Variants in NEGR1 observed in about 807,000 individuals in gnomAD.
NEGR1 encodes IgLON family member 4.
In NEGR1, 10 loss-of-function variants were observed where a neutral mutation model predicts 40.9. The observed-to-expected ratio is 0.24, with a 90% CI of 0.15 to 0.42. NEGR1 has a LOEUF of 0.42. NEGR1 is among the 10% of genes least tolerant of loss of function. The pLI is 1.00. For missense variants in NEGR1, 352 were observed against 438.9 expected (o/e 0.80, Z 1.77); for synonymous variants, 185 against 166.8 (o/e 1.11, Z -0.84).
At chr1:71,910,114 C>T (rs1661384048) in intron 2 of NEGR1, among the ~76,000 whole-genome samples, 1 of 152,122 alleles carries the variant, frequency 6.6e-6, no homozygotes, top group Non-Finnish European at 1.5e-5. Flanking sequence ...CATTAAAAGT[C>T]AGCCAAGTAA....
At chr1:72,147,798 A>AG (rs1220917450) in intron 1 of NEGR1, among the ~76,000 whole-genome samples, 2 of 152,170 alleles carry the variant, frequency 1.3e-5, no homozygotes, top group Admixed American at 1.3e-4. Flanking sequence ...AATGGGTTAC[A>AG]GGGCCCACAC....
chr1:72,236,873 C>T (rs1308322370), intron 1 of NEGR1, among the ~76,000 whole-genome samples: 1 of 151,868 alleles, frequency 6.6e-6, no homozygotes, highest in Admixed American at 6.6e-5. Flanking sequence ...AGTCAAGTGA[C>T]TGTGTGTGCT....
At chr1:71,720,167 G>C (rs563339819) in intron 3 of NEGR1, among the ~76,000 whole-genome samples, 2 of 152,128 alleles carry the variant, frequency 1.3e-5, no homozygotes, top group Non-Finnish European at 2.9e-5. Context: ...AACAAATAAA[G>C]TAAGCGTTAT....
At chr1:71,480,248 T>C (rs1646845547) in intron 6 of NEGR1, among the ~76,000 whole-genome samples, 1 of 151,954 alleles carries the variant, frequency 6.6e-6, no homozygotes, top group South Asian at 2.1e-4. Flanking sequence ...CCTGTGAATC[T>C]GGCAATATTA....
At chr1:71,663,625 C>T (rs573071281) in intron 4 of NEGR1, among the ~76,000 whole-genome samples, 26 of 152,208 alleles carry the variant, frequency 1.7e-4, no homozygotes, top group Admixed American at 3.9e-4. Flanking sequence ...TTTAATTTAT[C>T]CCATGCCATC....
rs1244863559 is a variant in NEGR1 at position 71,806,888 on chromosome 1, G to GTTTTTTTTTTTTTTTTTTTTTTTTTTTT, written c.410-30592_410-30591insAAAAAAAAAAAAAAAAAAAAAAAAAAAA. Among the ~76,000 whole-genome samples the GTTTTTTTTTTTTTTTTTTTTTTTTTTTT allele has an allele frequency of 1.7e-5, 2 of 120,552 alleles. 1 individual carries two copies. The allele number at this position is 120,552 out of a possible 152,430, so 79.1% of individuals were successfully genotyped here. On this transcript the variant is annotated intron_variant, in intron 2 of 6. Coordinates refer to ENST00000357731, the MANE Select transcript of NEGR1 (RefSeq NM_173808.3). ...AAGTACTGCGCAAACATGTCGATCT[G>GTTTTTTTTTTTTTTTTTTTTTTTTTTTT]TTTTTTTTTGTTTTTTTTTTTTGAG...
chr1:71,735,363 A>T (rs1008380603), intron 3 of NEGR1, among the ~76,000 whole-genome samples: 2 of 152,120 alleles, frequency 1.3e-5, no homozygotes, highest in Non-Finnish European at 2.9e-5. Flanking sequence ...CACTAACTGT[A>T]AGCTGTTGAG....
intron 1 of NEGR1, among the ~76,000 whole-genome samples, chr1:72,170,302 G>T (rs1570073673): frequency 1.3e-5 from 2 of 151,854 alleles, no homozygotes; most frequent in South Asian, 4.2e-4. Flanking sequence ...TTGAAGTTTT[G>T]CCAACTCATT....
chr1:72,006,222 T>G (rs1646605298), intron 1 of NEGR1, among the ~76,000 whole-genome samples: 2 of 152,212 alleles, frequency 1.3e-5, no homozygotes. Flanking sequence ...CTTCTGTGTG[T>G]CCACTTACAT....
At chr1:71,954,397 T>C (rs1465730483) in intron 1 of NEGR1, among the ~76,000 whole-genome samples, 2 of 151,706 alleles carry the variant, frequency 1.3e-5, no homozygotes, top group South Asian at 4.1e-4. Flanking sequence ...GGTATATTAT[T>C]AAAAAAAAGT....
Position 71,421,445 on chromosome 1 carries a change from G to A in NEGR1, c.941-13875C>T, listed in dbSNP as rs924646653. ...ACTTGAAAAATGGAAAAAGGATTAAGAGAACCTTATATTCCTGAATAGCAA... is the reference window on the plus strand; with the variant it reads ...ACTTGAAAAATGGAAAAAGGATTAAAAGAACCTTATATTCCTGAATAGCAA... On this transcript the variant is annotated intron_variant, in intron 6 of 6. Transcript: ENST00000357731. The A allele has an allele frequency of 1.8e-4, 28 of 152,212 alleles. No homozygotes were observed. In the East Asian group the frequency reaches 3.7e-3, roughly 20 times the overall value. 9.4% of individuals were successfully genotyped at this position (152,212 alleles called of 1,614,324 possible). A position where few individuals can be genotyped will look rare whatever the true frequency, so the allele number is the denominator to read the frequency against.
At chr1:72,096,700 C>T (rs1040449521) in intron 1 of NEGR1, among the ~76,000 whole-genome samples, 4 of 151,758 alleles carry the variant, frequency 2.6e-5, no homozygotes, top group African/African-American at 4.8e-5. Flanking sequence ...CTCACACTGT[C>T]GTCCAGGCTG....
intron 2 of NEGR1, among the ~76,000 whole-genome samples, chr1:71,804,283 C>A (rs565688807): frequency 6.6e-6 from 1 of 152,304 alleles, no homozygotes; most frequent in South Asian, 2.1e-4. Flanking sequence ...AGCTTCCCAA[C>A]TAATGTGAAT....
intron 1 of NEGR1, among the ~76,000 whole-genome samples, chr1:72,029,024 A>G (rs184574050): frequency 1.3e-5 from 2 of 152,352 alleles, no homozygotes; most frequent in East Asian, 1.9e-4. Flanking sequence ...TAAAGGAAAA[A>G]GCATAATGGG....
chr1:71,973,306 A>G (rs947250443), intron 1 of NEGR1, among the ~76,000 whole-genome samples: 1 of 142,242 alleles, frequency 7.0e-6, no homozygotes, highest in South Asian at 2.2e-4. Flanking sequence ...ACAGAGCGAG[A>G]CTCCAACTCA....
At chr1:72,010,075 C>T (rs1646643030) in intron 1 of NEGR1, among the ~76,000 whole-genome samples, 1 of 152,074 alleles carries the variant, frequency 6.6e-6, no homozygotes, top group African/African-American at 2.4e-5. Flanking sequence ...AAACTAAGTC[C>T]CCTCTGCCAC....
chr1:71,941,614 T>C (rs1323865025), intron 1 of NEGR1, among the ~76,000 whole-genome samples: 1 of 152,138 alleles, frequency 6.6e-6, no homozygotes, highest in African/African-American at 2.4e-5. Context: ...TCCAGTGAAC[T>C]TCAATTATTT....
At chr1:72,101,318 T>A (rs1648928704) in intron 1 of NEGR1, among the ~76,000 whole-genome samples, 1 of 152,056 alleles carries the variant, frequency 6.6e-6, no homozygotes, top group Non-Finnish European at 1.5e-5. Context: ...AATTACCCAG[T>A]AGGAAAAGAA....
chr1:71,428,411 C>G (rs931896189), intron 6 of NEGR1, among the ~76,000 whole-genome samples: 8 of 152,118 alleles, frequency 5.3e-5, no homozygotes, highest in African/African-American at 1.9e-4. Context: ...ATTCATTTAT[C>G]TATAAAACTG....
Sources: gnomAD v4.1 joint callset for allele counts (sites outside exome capture counted in the v4.1 genomes callset) on GRCh38, gnomAD v4.1.1 for gene constraint, MANE v1.5 for transcripts, NCBI Gene and HGNC (gene_info 2026-07-23, HGNC 2026-07-21) for gene names.